NCKAP5: variants seen among roughly 807,000 people sequenced by gnomAD.
The protein encoded by NCKAP5 is nck-associated protein 5.
NCKAP5 carries 92 observed loss-of-function variants against 167.0 expected under a neutral mutation model. The ratio of observed to expected loss-of-function variants is 0.55; its 90% CI spans 0.47 to 0.66. The LOEUF (loss-of-function observed/expected upper bound fraction) is 0.66, where lower values mean the gene tolerates loss of function less well. NCKAP5 is among the 30% of genes least tolerant of loss of function. The probability of loss-of-function intolerance (pLI) is 0.00; values close to 1 mark genes in which losing one functional copy is unlikely to be tolerated. For missense variants in NCKAP5, 2,378 were observed against 2,315.0 expected, an observed-to-expected ratio of 1.03 and a Z score of -0.56; for synonymous variants, 891 against 877.4, an observed-to-expected ratio of 1.02 and a Z score of -0.27.
At chr2:133,070,348 C>T (rs2080347924) in intron 6 of NCKAP5, among the ~76,000 whole-genome samples, 1 of 152,172 alleles carries the variant, frequency 6.6e-6, no homozygotes, top group Non-Finnish European at 1.5e-5. Context: ...CCATCAGACT[C>T]TTCTCACCCC....
At chr2:133,438,528 A>C (rs1433101908) in intron 3 of NCKAP5, among the ~76,000 whole-genome samples, 1 of 152,234 alleles carries the variant, frequency 6.6e-6, no homozygotes, top group Non-Finnish European at 1.5e-5. Flanking sequence ...AACTTCGCAT[A>C]AAGTATAATA....
rs544133061 is a variant in NCKAP5 at position 132,980,987 on chromosome 2, C to A, written c.429+13165G>T. Among the ~76,000 whole-genome samples the A allele has an allele frequency of 2.0e-5, 3 of 152,246 alleles. No homozygotes were observed. The East Asian group carries it at 5.8e-4, about 29-fold the overall frequency. On this transcript the variant is annotated intron_variant, in intron 7 of 19. Transcript: ENST00000409261. ...ATAGCAGAAGCTTATTAATACAGAA[C>A]AAGGGATAGGCTTGGCCTTAATGGG...
intron 16 of NCKAP5, among the ~76,000 whole-genome samples, chr2:132,770,250 G>A (rs1202088494): frequency 6.6e-6 from 1 of 151,826 alleles, no homozygotes; most frequent in East Asian, 1.9e-4. Flanking sequence ...TGTATATAAA[G>A]GGCTTTTGAT....
intron 6 of NCKAP5, among the ~76,000 whole-genome samples, chr2:133,097,569 C>T (rs879351135): frequency 6.6e-5 from 10 of 152,086 alleles, no homozygotes; most frequent in Admixed American, 1.3e-4. Context: ...AACCTTTACT[C>T]GGGATTCAAT....
At chr2:132,731,673 G>A in intron 17 of NCKAP5, 64 bp downstream of exon 17, 2 of 1,492,550 alleles carry the variant, frequency 1.3e-6, no homozygotes, top group Non-Finnish European at 1.8e-6. Context: ...TCATCTCCTG[G>A]TGAAAAGTTT....
intron 3 of NCKAP5, among the ~76,000 whole-genome samples, chr2:133,371,861 C>A (rs1219132533): frequency 6.6e-6 from 1 of 152,116 alleles, no homozygotes; most frequent in Non-Finnish European, 1.5e-5. Flanking sequence ...GCCATCCCAA[C>A]CCTGTTTATT....
chr2:132,834,372 T>C (rs980348978), intron 11 of NCKAP5, among the ~76,000 whole-genome samples: 11 of 152,056 alleles, frequency 7.2e-5, no homozygotes, highest in African/African-American at 2.2e-4. Context: ...TGAGATGGAG[T>C]CTTGCTCTGT....
chr2:132,813,169 A>G (rs1347985019), intron 11 of NCKAP5, among the ~76,000 whole-genome samples: 1 of 152,244 alleles, frequency 6.6e-6, no homozygotes, highest in African/African-American at 2.4e-5. Flanking sequence ...GCAAGACCAC[A>G]GAGGCAAGTT....
At chr2:132,688,755 G>A (rs1171827434) in intron 19 of NCKAP5, among the ~76,000 whole-genome samples, 3 of 152,056 alleles carry the variant, frequency 2.0e-5, no homozygotes, top group African/African-American at 7.2e-5. Context: ...TGAGGCTGAG[G>A]TGGGCAGATC....
chr2:132,761,048 CCCCCTCTTTTTT>C (rs1680960533), intron 16 of NCKAP5, among the ~76,000 whole-genome samples: 1 of 113,464 alleles, frequency 8.8e-6, no homozygotes, highest in African/African-American at 3.8e-5. Flanking sequence ...CCTCTTTTTT[CCCCCTCTTTTTT>C]CCCCAGCTAT....
chr2:132,808,425 G>A (rs1574289027), intron 11 of NCKAP5, among the ~76,000 whole-genome samples: 1 of 151,938 alleles, frequency 6.6e-6, no homozygotes, highest in South Asian at 2.1e-4. Context: ...TAAATTACCA[G>A]TTCAATCTCA....
chr2:133,407,682 C>A (rs1415344760), intron 3 of NCKAP5, among the ~76,000 whole-genome samples: 4 of 152,122 alleles, frequency 2.6e-5, no homozygotes, highest in African/African-American at 9.7e-5. Flanking sequence ...AGCAAAGATA[C>A]CAAGTAAGTG....
chr2:133,444,835 G>T (rs6749981), intron 3 of NCKAP5, among the ~76,000 whole-genome samples: 49,857 of 151,968 alleles, frequency 0.33, 9,243 homozygotes, highest in African/African-American at 0.51. Flanking sequence ...TGAATCCATC[G>T]CAACATTTCC....
chr2:132,904,417 G>A (rs975058294), intron 8 of NCKAP5, among the ~76,000 whole-genome samples: 2 of 151,664 alleles, frequency 1.3e-5, no homozygotes, highest in African/African-American at 4.8e-5. Flanking sequence ...ATTGTATTAT[G>A]GGACCATACT....
intron 3 of NCKAP5, among the ~76,000 whole-genome samples, chr2:133,362,926 T>G (rs1196490919): frequency 6.6e-6 from 1 of 151,236 alleles, no homozygotes. Context: ...GCTAGTTTTT[T>G]CGTTTTTTGT....
At chr2:133,586,511 G>C in the NCKAP5 span, among the ~76,000 whole-genome samples, 6 of 152,170 alleles carry the variant, frequency 3.9e-5, no homozygotes, top group African/African-American at 1.4e-4. Context: ...TTCAGGAAAA[G>C]AGGTAACAGG....
intron 2 of NCKAP5, among the ~76,000 whole-genome samples, chr2:133,558,704 CAAAA>C (rs60051493): frequency 4.9e-4 from 25 of 50,864 alleles, no homozygotes; most frequent in Middle Eastern, 0.014. Context: ...ATGTGCTGAG[CAAAA>C]AAAAAAAAAA....
At chr2:132,831,085 A>C (rs903862670) in intron 11 of NCKAP5, among the ~76,000 whole-genome samples, 1 of 152,170 alleles carries the variant, frequency 6.6e-6, no homozygotes, top group Non-Finnish European at 1.5e-5. Flanking sequence ...TCTTTTATGT[A>C]ATAGAATATT....
At chr2:132,716,599 G>A (rs1243075177) in intron 19 of NCKAP5, among the ~76,000 whole-genome samples, 2 of 152,076 alleles carry the variant, frequency 1.3e-5, no homozygotes, top group South Asian at 2.1e-4. Flanking sequence ...CTGGGGGTTC[G>A]GTGGTAATGG....
Sources: gnomAD v4.1 joint callset for allele counts (sites outside exome capture counted in the v4.1 genomes callset) on GRCh38, gnomAD v4.1.1 for gene constraint, MANE v1.5 for transcripts, NCBI Gene and HGNC (gene_info 2026-07-23, HGNC 2026-07-21) for gene names.